The following SPRED2 variants were observed in gnomAD, a reference collection of about 807,000 sequenced individuals.
The protein encoded by SPRED2 is sprouty-related, EVH1 domain-containing protein 2.
A neutral mutation model predicts 43.0 loss-of-function variants in SPRED2; 47 were observed. The observed-to-expected ratio is 1.09, with a 90% confidence interval of 0.87 to 1.40. The LOEUF (loss-of-function observed/expected upper bound fraction) is 1.40. SPRED2 is among the 40% of genes most tolerant of loss of function. SPRED2 has a pLI of 0.00. For synonymous variants in SPRED2, 225 were observed against 225.7 expected, an observed-to-expected ratio of 1.00 and a Z score of 0.03; for missense variants, 561 against 586.4, an observed-to-expected ratio of 0.96 and a Z score of 0.45.
chr2:65,350,110 C>T (rs1674467795), intron 1 of SPRED2, among the ~76,000 whole-genome samples: 1 of 152,154 alleles, frequency 6.6e-6, no homozygotes, highest in South Asian at 2.1e-4. Context: ...ACTCCACTAC[C>T]AAAAAGGTAT....
At chr2:65,356,723 G>A (rs538283486) in intron 1 of SPRED2, among the ~76,000 whole-genome samples, 11 of 151,756 alleles carry the variant, frequency 7.2e-5, no homozygotes, top group Non-Finnish European at 1.5e-4. Context: ...CGGGCGCGGT[G>A]GTTCATGCCT....
Position 65,377,389 on chromosome 2 carries a change from T to TG in SPRED2, c.27-32494dup, listed in dbSNP as rs1242133160. 1.2e-4 allele frequency among the ~76,000 whole-genome samples: 18 copies of TG among 152,318 alleles called. No homozygotes were observed. The East Asian group carries it at 3.5e-3, about 29-fold the overall frequency. Reference sequence around the variant, plus strand: ...ATGAATGATGCATACGTGGTAGCACTGGATTGGTATTTGTGAAAGGAGTGA... The same window carrying TG: ...ATGAATGATGCATACGTGGTAGCACTGGGATTGGTATTTGTGAAAGGAGTGA... On this transcript the variant is annotated intron_variant, in intron 1 of 5. Transcript: ENST00000356388.
intron 1 of SPRED2, among the ~76,000 whole-genome samples, chr2:65,427,326 C>A (rs1364218230): frequency 6.6e-6 from 1 of 152,120 alleles, no homozygotes; most frequent in Non-Finnish European, 1.5e-5. Flanking sequence ...ATCCTCCAGG[C>A]CTGGGTCTCC....
At chr2:65,365,991 T>C (rs2104328611) in intron 1 of SPRED2, among the ~76,000 whole-genome samples, 1 of 151,984 alleles carries the variant, frequency 6.6e-6, no homozygotes, top group South Asian at 2.1e-4. Flanking sequence ...TAGAAAAAGT[T>C]AATGCATGAA....
At chr2:65,384,631 C>T (rs1675449323) in intron 1 of SPRED2, among the ~76,000 whole-genome samples, 1 of 152,164 alleles carries the variant, frequency 6.6e-6, no homozygotes, top group African/African-American at 2.4e-5. Flanking sequence ...TAGACCGACC[C>T]CAGAAGGCAG....
At position 65,313,727 on chromosome 2, in the gene SPRED2, C is replaced by T. The variant is rs761457961; in HGVS notation, c.1031G>A (p.Trp344Ter). Residue 344 changes from tryptophan to a stop codon, truncating the protein, a stop_gained, in exon 6 of 6, where the codon TGG becomes TAG. Transcript: ENST00000356388. LOFTEE classifies it high-confidence loss of function. Reference sequence around the variant, plus strand: ...GTGATAGAGCATGCTGTCCGCGCACCACATGCAGCTCACCCGGCGGATGCA... The same window carrying T: ...GTGATAGAGCATGCTGTCCGCGCACTACATGCAGCTCACCCGGCGGATGCA... ...RTCIRRVSCMWCADSMLYHCM... is the reference protein window; with the variant it reads ...RTCIRRVSCM 1 of 1,614,206 alleles carries T rather than the reference C, an allele frequency of 6.2e-7. No homozygotes were observed. The highest frequency in any genetic ancestry group is 8.5e-7 in the Non-Finnish European group (1 of 1,180,022).
intron 1 of SPRED2, among the ~76,000 whole-genome samples, chr2:65,370,379 C>A (rs1675095478): frequency 6.6e-6 from 1 of 152,170 alleles, no homozygotes; most frequent in South Asian, 2.1e-4. Flanking sequence ...CAGAGGTGGG[C>A]AAATTATGGC....
At chr2:65,325,195 G>T (rs1274228280) in intron 4 of SPRED2, among the ~76,000 whole-genome samples, 1 of 152,214 alleles carries the variant, frequency 6.6e-6, no homozygotes, top group African/African-American at 2.4e-5. Context: ...AAGGAAACAA[G>T]TACAGCCACT....
chr2:65,409,688 C>A (rs1676105631), intron 1 of SPRED2, among the ~76,000 whole-genome samples: 1 of 113,520 alleles, frequency 8.8e-6, no homozygotes. Flanking sequence ...CTCCAGTTTC[C>A]TGCAAAAAAA....
chr2:65,370,053 C>T (rs1254415728), intron 1 of SPRED2, among the ~76,000 whole-genome samples: 1 of 152,098 alleles, frequency 6.6e-6, no homozygotes, highest in Non-Finnish European at 1.5e-5. Flanking sequence ...AAAGAAAATG[C>T]GGATATCAAT....
intron 1 of SPRED2, among the ~76,000 whole-genome samples, chr2:65,348,016 C>G (rs1674402562): frequency 6.6e-6 from 1 of 152,072 alleles, no homozygotes; most frequent in Non-Finnish European, 1.5e-5. Context: ...TCTACTGAAA[C>G]AAACCCTCCA....
At chr2:65,379,319 G>C (rs571674053) in intron 1 of SPRED2, among the ~76,000 whole-genome samples, 2 of 152,254 alleles carry the variant, frequency 1.3e-5, no homozygotes, top group African/African-American at 2.4e-5. Flanking sequence ...AGAGGCTGAG[G>C]GGTCTTAAGC....
chr2:65,395,079 C>T (rs575368312), intron 1 of SPRED2, among the ~76,000 whole-genome samples: 1 of 152,238 alleles, frequency 6.6e-6, no homozygotes, highest in Non-Finnish European at 1.5e-5. Context: ...GGTAACTCCG[C>T]CCGAGGTATC....
At position 65,336,146 on chromosome 2, in the gene SPRED2, G is replaced by C. The variant is rs538295902; in HGVS notation, c.205-1373C>G. ...GAGGCAAGAGGATCACTTGAGCCCA[G>C]GAGTTTGAGACCAGCCTGGGCAACA... On this transcript the variant is annotated intron_variant, in intron 2 of 5. Transcript: ENST00000356388. 5.3e-5 allele frequency among the ~76,000 whole-genome samples: 8 copies of C among 152,294 alleles called. No homozygotes were observed. The East Asian group carries it at 1.5e-3, about 29-fold the overall frequency.
At chr2:65,419,221 C>T (rs1382549220) in intron 1 of SPRED2, among the ~76,000 whole-genome samples, 1 of 152,170 alleles carries the variant, frequency 6.6e-6, no homozygotes. Flanking sequence ...AGACAAGGTG[C>T]TAACTCCAAG....
In SPRED2 at chr2:65,316,802, G is replaced by A; in HGVS notation, c.520C>T (p.His174Tyr). ...TGGCCCAGGGTATAAATCCTCCGGT[G>A]CTCACAGGATGTGGGAGAGGAGATT... ...RTISSPTSCE[H>Y]RRIYTLGHLH... Residue 174 changes from histidine (H) to tyrosine (Y), a missense_variant, in exon 5 of 6, where the codon CAC (histidine) becomes TAC (tyrosine). By Grantham distance (83) the His-to-Tyr change is moderately conservative. Around this residue, in one of 6 missense-constraint regions of SPRED2, gnomAD observed 305 missense variants for 282.4 expected, o/e 1.08. Coordinates refer to ENST00000356388, the MANE Select transcript of SPRED2 (RefSeq NM_181784.3). The A allele has an allele frequency of 6.2e-7, 1 of 1,613,592 alleles. No individual in the cohort carries two copies. Among genetic ancestry groups the A allele is most frequent in the Non-Finnish European group, 8.5e-7 (1 of 1,179,832 alleles).
chr2:65,410,900 C>T (rs982354115), intron 1 of SPRED2, among the ~76,000 whole-genome samples: 3 of 152,120 alleles, frequency 2.0e-5, no homozygotes, highest in Non-Finnish European at 4.4e-5. Flanking sequence ...GTAGACTTTT[C>T]CTTTGGAGAG....
chr2:65,378,743 C>T (rs1232847722), intron 1 of SPRED2, among the ~76,000 whole-genome samples: 1 of 152,202 alleles, frequency 6.6e-6, no homozygotes, highest in African/African-American at 2.4e-5. Context: ...CACATTGGTT[C>T]TCAAATGTGG....
downstream of SPRED2, among the ~76,000 whole-genome samples, chr2:65,309,938 C>G (rs147918732): frequency 1.3e-3 from 195 of 152,298 alleles, 1 homozygote; most frequent in East Asian, 0.018. Flanking sequence ...GTTGGCTAGC[C>G]CAGCTCAGCC....
Sources: allele counts gnomAD v4.1 joint callset (sites outside exome capture counted in the v4.1 genomes callset), GRCh38; gene constraint gnomAD v4.1.1; regional missense constraint gnomAD v4.1.1; transcripts MANE v1.5; gene names NCBI Gene and HGNC (gene_info 2026-07-23, HGNC 2026-07-21).